The following MAP2K5 variants were observed in gnomAD, a reference collection of about 807,000 sequenced individuals.
MAP2K5 encodes dual specificity mitogen-activated protein kinase kinase 5.
In MAP2K5, 49 loss-of-function variants were observed where a neutral mutation model predicts 83.1. The observed-to-expected ratio is 0.59, with a 90% CI of 0.47 to 0.75. The LOEUF is 0.75. Ranked by LOEUF, MAP2K5 falls within the 30% of genes least tolerant of loss-of-function variation. MAP2K5 has a pLI of 0.00. For synonymous variants in MAP2K5, 202 were observed against 191.8 expected, an observed-to-expected ratio of 1.05 and a Z score of -0.44; for missense variants, 457 against 557.5, an observed-to-expected ratio of 0.82 and a Z score of 1.82.
chr15:67,685,666 A>G (rs1428366957), intron 13 of MAP2K5, among the ~76,000 whole-genome samples: 2 of 152,254 alleles, frequency 1.3e-5, no homozygotes, highest in African/African-American at 4.8e-5. Flanking sequence ...GAAAATGGAA[A>G]TATATTATTG....
intron 16 of MAP2K5, among the ~76,000 whole-genome samples, chr15:67,713,137 A>AT (rs112687929): frequency 0.017 from 2,594 of 151,976 alleles, 85 homozygotes; most frequent in African/African-American, 0.06. Flanking sequence ...AAAAAAAATC[A>AT]TTTTTTTTCC....
rs2087350305 is a variant in MAP2K5 at position 67,665,322 on chromosome 15, A to G, written c.847+677A>G. On this transcript the variant is annotated intron_variant, in intron 13 of 21. Transcript: ENST00000178640. The surrounding 1 kb of genome is among the most constrained non-coding windows in gnomAD (Gnocchi z 4.2). ...CTTTTGTTTTTTTAATGTTCCCAAA[A>G]TATCTGAATTCATTTGGAGCAAATT... Among the ~76,000 whole-genome samples, 3 of 152,192 alleles carry G rather than the reference A, an allele frequency of 2.0e-5. No homozygotes were observed. The highest frequency in any genetic ancestry group is 4.4e-5 in the Non-Finnish European group (3 of 68,036).
At chr15:67,546,891 C>A (rs907282652) in intron 1 of MAP2K5, among the ~76,000 whole-genome samples, 7 of 152,120 alleles carry the variant, frequency 4.6e-5, no homozygotes, top group African/African-American at 1.7e-4. Flanking sequence ...ATGGCAAAAC[C>A]CCATCTCTAC....
rs1341611264 is a variant in MAP2K5 at position 67,775,887 on chromosome 15, T to G, written c.1242+3135T>G. 2.0e-5 allele frequency among the ~76,000 whole-genome samples: 3 copies of G among 152,196 alleles called. No homozygotes were observed. Among genetic ancestry groups the G allele is most frequent in the Non-Finnish European group, 4.4e-5 (3 of 68,038 alleles). ...GCTGGAACAGAAACCTCTTCAACAT[T>G]GACCTGGTGGAGTTCAAACAGGCAA... On this transcript the variant is annotated intron_variant, in intron 21 of 21. Coordinates refer to ENST00000178640, the MANE Select transcript of MAP2K5 (RefSeq NM_145160.3). The surrounding 1 kb of genome is among the most constrained non-coding windows in gnomAD (Gnocchi z 5.3).
At chr15:67,712,337 G>C (rs1371211696) in intron 16 of MAP2K5, among the ~76,000 whole-genome samples, 2 of 152,180 alleles carry the variant, frequency 1.3e-5, no homozygotes, top group African/African-American at 4.8e-5. Flanking sequence ...AGAGCCCTTA[G>C]TCTACAAGCC....
chr15:67,687,163 C>T (rs1024567269), intron 13 of MAP2K5, among the ~76,000 whole-genome samples: 4 of 152,086 alleles, frequency 2.6e-5, no homozygotes, highest in African/African-American at 9.7e-5. Context: ...AGAAATTTCT[C>T]TTCAGATATT....
intron 3 of MAP2K5, among the ~76,000 whole-genome samples, chr15:67,576,500 T>C (rs1244830614): frequency 6.8e-6 from 1 of 147,544 alleles, no homozygotes; most frequent in Non-Finnish European, 1.5e-5. Context: ...CTTTGTCACA[T>C]CCTTATTAAA....
Position 67,722,351 on chromosome 15 carries a change from CTTT to C in MAP2K5, c.1045-5552_1045-5550del, listed in dbSNP as rs200075045. ...CAGAAGATTAAATTAATTTGTAACT[CTTT>C]TTTTTTTTTTTTGGTCCTGCATTAC... On this transcript the variant is annotated intron_variant, in intron 16 of 21. Coordinates refer to ENST00000178640, the MANE Select transcript of MAP2K5 (RefSeq NM_145160.3). The surrounding 1 kb of genome is among the most constrained non-coding windows in gnomAD (Gnocchi z 4.2). Among the ~76,000 whole-genome samples the C allele has an allele frequency of 9.2e-5, 13 of 141,428 alleles. No homozygotes were observed. The highest frequency in any genetic ancestry group is 2.1e-4 in the East Asian group (1 of 4,858). The allele number at this position is 141,428 out of a possible 152,430, so 92.8% of individuals were successfully genotyped here.
chr15:67,657,946 G>A (rs1487944247), intron 11 of MAP2K5, among the ~76,000 whole-genome samples: 1 of 151,872 alleles, frequency 6.6e-6, no homozygotes, highest in Non-Finnish European at 1.5e-5. Flanking sequence ...CAGTAATAAA[G>A]CATTAAATAA....
In MAP2K5 at chr15:67,676,791, A is replaced by G. The variant is rs552563039; in HGVS notation, c.847+12146A>G. On this transcript the variant is annotated intron_variant, in intron 13 of 21. Transcript: ENST00000178640. The surrounding 1 kb of genome is among the most constrained non-coding windows in gnomAD (Gnocchi z 4.8). The stretch of plus-strand genomic sequence containing the variant: ...AGCAGCCTAAAAAACTTGCTTAGTT[A>G]TAGGAAAAGTCATAGGAAAAAGTCA... Among the ~76,000 whole-genome samples, 2 of 152,294 alleles carry G rather than the reference A, an allele frequency of 1.3e-5. No homozygotes were observed. Among genetic ancestry groups the G allele is most frequent in the South Asian group, 2.1e-4 (1 of 4,824 alleles).
intron 6 of MAP2K5, 98 bp from the exon 7 acceptor site, chr15:67,592,828 C>A: frequency 1.3e-6 from 1 of 796,176 alleles, no homozygotes. Flanking sequence ...ATGCTCAATC[C>A]CTATATGTAA....
In MAP2K5 at chr15:67,677,387, A is replaced by G. The variant is rs9783715; in HGVS notation, c.847+12742A>G. Among the ~76,000 whole-genome samples, 22,170 of 152,202 alleles carry G rather than the reference A, an allele frequency of 0.15. 1,688 individuals are homozygous for G. The highest frequency in any genetic ancestry group is 0.22 in the East Asian group (1,160 of 5,182). The stretch of plus-strand genomic sequence containing the variant: ...CAATGAGAATTAAATGAGGTAATGC[A>G]TATGATAATAATGCACTTAGCCCAG... On this transcript the variant is annotated intron_variant, in intron 13 of 21. Transcript: ENST00000178640. The surrounding 1 kb of genome is among the most constrained non-coding windows in gnomAD (Gnocchi z 4.2).
At chr15:67,590,738 G>A (rs2085391110) in intron 6 of MAP2K5, among the ~76,000 whole-genome samples, 2 of 152,108 alleles carry the variant, frequency 1.3e-5, no homozygotes, top group Non-Finnish European at 2.9e-5. Context: ...ACAGGCTTGA[G>A]ACGCTGTGCT....
intron 19 of MAP2K5, among the ~76,000 whole-genome samples, chr15:67,754,012 T>C (rs922068331): frequency 6.6e-6 from 1 of 152,232 alleles, no homozygotes; most frequent in African/African-American, 2.4e-5. Flanking sequence ...GCAGTACGGA[T>C]GTACCTTGAA....
chr15:67,600,918 G>C (rs1195458966), intron 8 of MAP2K5, among the ~76,000 whole-genome samples, 169 bp downstream of exon 8: 2 of 152,108 alleles, frequency 1.3e-5, no homozygotes, highest in Admixed American at 6.6e-5. Flanking sequence ...CCTGGAAAGT[G>C]CATTTATATT....
In MAP2K5 at chr15:67,606,466, C is replaced by G. The variant is rs550025543; in HGVS notation, c.545+5717C>G. On this transcript the variant is annotated intron_variant, in intron 8 of 21. Transcript: ENST00000178640. ...GGTGTTTTGAAGGTTGAATGTATAC[C>G]ATTACTTAGGAATTAATTTGAACCT... Among the ~76,000 whole-genome samples, 30 of 152,134 alleles carry G rather than the reference C, an allele frequency of 2.0e-4. No homozygotes were observed. The South Asian group carries it at 4.8e-3, about 24-fold the overall frequency.
At chr15:67,692,388 C>A in intron 13 of MAP2K5, 91 bp from the exon 14 acceptor site, 1 of 773,720 alleles carries the variant, frequency 1.3e-6, no homozygotes, top group Non-Finnish European at 2.2e-6. Context: ...GTCATTTCTG[C>A]AACTTGGTGT....
rs760265926 is a variant in MAP2K5, at chr15:67,790,355, C to G, written c.1243-16291C>G. ...TTGGGACTACGGGTTCATTACACTTCTGAGTGTGAGGTCTTTCCACAGAGC... is the reference window on the plus strand; with the variant it reads ...TTGGGACTACGGGTTCATTACACTTGTGAGTGTGAGGTCTTTCCACAGAGC... On this transcript the variant is annotated intron_variant, in intron 21 of 21. Transcript: ENST00000178640. The surrounding 1 kb of genome is among the most constrained non-coding windows in gnomAD (Gnocchi z 4.6). Among the ~76,000 whole-genome samples, 1 of 152,108 alleles carries G rather than the reference C, an allele frequency of 6.6e-6. No homozygotes were observed. The highest frequency in any genetic ancestry group is 1.5e-5 in the Non-Finnish European group (1 of 68,016).
intron 13 of MAP2K5, among the ~76,000 whole-genome samples, chr15:67,674,108 A>G (rs1420356247): frequency 1.3e-5 from 2 of 152,072 alleles, no homozygotes; most frequent in Admixed American, 1.3e-4. Flanking sequence ...CGGCCTCCCA[A>G]AGTGCTGAGA....
Sources: allele counts gnomAD v4.1 joint callset (sites outside exome capture counted in the v4.1 genomes callset), GRCh38; gene constraint gnomAD v4.1.1; non-coding constraint Gnocchi (gnomAD v3.1); transcripts MANE v1.5; gene names NCBI Gene and HGNC (gene_info 2026-07-23, HGNC 2026-07-21).